RIT2: variants seen among roughly 807,000 people sequenced by gnomAD.
The protein encoded by RIT2 is GTP-binding protein Rit2.
A neutral mutation model predicts 23.7 loss-of-function variants in RIT2; 24 were observed. The ratio of observed to expected loss-of-function variants is 1.01; its 90% CI spans 0.73 to 1.43. The LOEUF (loss-of-function observed/expected upper bound fraction) is 1.43. Among genes scored for constraint, RIT2 ranks in the 40% most tolerant of loss-of-function variants. The pLI is 0.00. For synonymous variants in RIT2, 107 were observed against 91.1 expected (o/e 1.17, Z -0.99); for missense variants, 236 against 266.9 (o/e 0.88, Z 0.81).
intron 3 of RIT2, among the ~76,000 whole-genome samples, chr18:42,943,867 T>C (rs972946584): frequency 2.0e-5 from 3 of 152,150 alleles, no homozygotes; most frequent in African/African-American, 7.2e-5. Context: ...CACCTCACAT[T>C]GAATCTATTA....
At chr18:42,850,199 G>A (rs187415595) in intron 4 of RIT2, among the ~76,000 whole-genome samples, 1 of 151,882 alleles carries the variant, frequency 6.6e-6, no homozygotes, top group East Asian at 1.9e-4. Flanking sequence ...ATCTGGCAAT[G>A]ATAATTCTTT....
chr18:43,062,318 A>C (rs967976257), intron 1 of RIT2, among the ~76,000 whole-genome samples: 1 of 152,180 alleles, frequency 6.6e-6, no homozygotes, highest in Admixed American at 6.5e-5. Context: ...AAGACAAAAA[A>C]GAGGTAATTC....
chr18:43,009,519 T>C (rs1016806828), intron 2 of RIT2, among the ~76,000 whole-genome samples: 3 of 151,644 alleles, frequency 2.0e-5, no homozygotes, highest in African/African-American at 7.3e-5. Flanking sequence ...CAACAGAAAG[T>C]TGGTCATTGG....
At chr18:42,818,213 T>C (rs1362178144) in intron 4 of RIT2, among the ~76,000 whole-genome samples, 1 of 151,952 alleles carries the variant, frequency 6.6e-6, no homozygotes, top group Non-Finnish European at 1.5e-5. Context: ...CCAGAAAAAA[T>C]GGTCATGCAT....
At chr18:43,084,936 A>G (rs1006178325) in intron 1 of RIT2, among the ~76,000 whole-genome samples, 31 of 152,116 alleles carry the variant, frequency 2.0e-4, no homozygotes, top group African/African-American at 7.2e-4. Flanking sequence ...AGACCTATCA[A>G]TTGAGGGTTT....
intron 4 of RIT2, among the ~76,000 whole-genome samples, chr18:42,921,191 CA>C (rs1485393432): frequency 6.6e-6 from 1 of 152,072 alleles, no homozygotes; most frequent in East Asian, 1.9e-4. Flanking sequence ...AACCACTCTG[CA>C]GTTTTAAGAA....
intron 4 of RIT2, among the ~76,000 whole-genome samples, chr18:42,891,720 G>A (rs140480097): frequency 5.7e-4 from 87 of 152,260 alleles, no homozygotes; most frequent in Middle Eastern, 3.4e-3. Context: ...GAAAAGTGCC[G>A]TGGTTGCTAG....
intron 3 of RIT2, among the ~76,000 whole-genome samples, chr18:42,954,889 A>G (rs10502806): frequency 0.05 from 7,602 of 152,196 alleles, 241 homozygotes; most frequent in South Asian, 0.13. Flanking sequence ...CCTTCTCTGC[A>G]TAACAGACTA....
intron 1 of RIT2, among the ~76,000 whole-genome samples, chr18:43,105,490 G>GAAGAGAGGAAGGA (rs1568083814): frequency 8.5e-6 from 1 of 118,226 alleles, no homozygotes; most frequent in Admixed American, 8.9e-5. Flanking sequence ...GGGAGGAAGG[G>GAAGAGAGGAAGGA]AGGAAGAAAG....
intron 3 of RIT2, among the ~76,000 whole-genome samples, chr18:42,954,437 T>C (rs575123903): frequency 5.9e-5 from 9 of 151,900 alleles, no homozygotes; most frequent in Non-Finnish European, 1.2e-4. Flanking sequence ...TTGCTGTTTT[T>C]TCCATTAAAA....
chr18:43,036,319 C>A (rs1312370274), intron 1 of RIT2, among the ~76,000 whole-genome samples: 1 of 152,162 alleles, frequency 6.6e-6, no homozygotes, highest in African/African-American at 2.4e-5. Context: ...GCGGGTGGAT[C>A]ACCTGAGGTC....
intron 3 of RIT2, among the ~76,000 whole-genome samples, chr18:42,937,684 C>T (rs1455385978): frequency 1.3e-5 from 2 of 152,158 alleles, no homozygotes; most frequent in South Asian, 2.1e-4. Flanking sequence ...CTCATTTGCT[C>T]AAATTTAGAT....
At chr18:43,001,745 T>C (rs1403283617) in intron 2 of RIT2, among the ~76,000 whole-genome samples, 1 of 152,066 alleles carries the variant, frequency 6.6e-6, no homozygotes. Flanking sequence ...TCTCTTTACG[T>C]TATTAACCCT....
At chr18:42,959,619 C>T (rs1205351951) in intron 3 of RIT2, among the ~76,000 whole-genome samples, 2 of 152,158 alleles carry the variant, frequency 1.3e-5, no homozygotes, top group African/African-American at 4.8e-5. Context: ...TTACTATTCT[C>T]CTAACAGGCT....
intron 4 of RIT2, among the ~76,000 whole-genome samples, chr18:42,850,388 A>C (rs557716563): frequency 2.6e-5 from 4 of 152,140 alleles, no homozygotes; most frequent in Non-Finnish European, 5.9e-5. Flanking sequence ...TGCACGGTTA[A>C]TGGATTGTAT....
intron 3 of RIT2, among the ~76,000 whole-genome samples, chr18:42,952,392 G>T (rs1279174148): frequency 6.6e-6 from 1 of 152,056 alleles, no homozygotes. Context: ...AGAGGAAATG[G>T]AGATTATTAG....
At position 42,743,487 on chromosome 18, in the gene RIT2, A is replaced by G; in HGVS notation, c.*6T>C. The G allele has an allele frequency of 1.3e-6, 2 of 1,599,888 alleles. No homozygotes were observed. The highest frequency in any genetic ancestry group is 1.7e-6 in the Non-Finnish European group (2 of 1,167,960). On this transcript the variant is annotated 3_prime_UTR_variant, in exon 5 of 5. Transcript: ENST00000326695. ...AGAGAGCGTGAGGAACTCAAAAGCAAAGATATCATGTCATATTTTCTCTCT... is the reference window on the plus strand; with the variant it reads ...AGAGAGCGTGAGGAACTCAAAAGCAGAGATATCATGTCATATTTTCTCTCT...
intron 4 of RIT2, among the ~76,000 whole-genome samples, chr18:42,899,520 A>G (rs1908419950): frequency 6.6e-6 from 1 of 151,894 alleles, no homozygotes; most frequent in Non-Finnish European, 1.5e-5. Flanking sequence ...GTAGCTGCTT[A>G]TGAAAAGGCT....
At chr18:42,918,825 A>G (rs909281859) in intron 4 of RIT2, among the ~76,000 whole-genome samples, 1 of 151,664 alleles carries the variant, frequency 6.6e-6, no homozygotes, top group Non-Finnish European at 1.5e-5. Flanking sequence ...TCCTCTCTAG[A>G]TTGATCCTTT....
Sources: allele counts gnomAD v4.1 joint callset (sites outside exome capture counted in the v4.1 genomes callset), GRCh38; gene constraint gnomAD v4.1.1; transcripts MANE v1.5; gene names NCBI Gene and HGNC (gene_info 2026-07-23, HGNC 2026-07-21).